Variants in FAF1 observed in about 807,000 individuals in gnomAD.
The protein encoded by FAF1 is Fas associated factor 1.
FAF1 carries 25 observed loss-of-function variants against 92.5 expected under a neutral mutation model. The ratio of observed to expected loss-of-function variants is 0.27; its 90% confidence interval spans 0.20 to 0.38. FAF1 has a LOEUF of 0.38. Ranked by LOEUF, FAF1 falls within the 10% of genes least tolerant of loss-of-function variation. The probability of loss-of-function intolerance (pLI) is 1.00; values close to 1 mark genes in which losing one functional copy is unlikely to be tolerated. For missense variants in FAF1, 636 were observed against 793.3 expected (o/e 0.80, Z 2.38); for synonymous variants, 234 against 273.2 (o/e 0.86, Z 1.42).
intron 8 of FAF1, among the ~76,000 whole-genome samples, chr1:50,648,802 T>G (rs185805648): frequency 9.2e-5 from 14 of 152,294 alleles, no homozygotes; most frequent in African/African-American, 3.4e-4. Context: ...GGCGCATGCC[T>G]GTAATCCCAG....
intron 4 of FAF1, among the ~76,000 whole-genome samples, chr1:50,752,328 T>C (rs964190277): frequency 1.4e-4 from 21 of 152,198 alleles, no homozygotes; most frequent in African/African-American, 5.1e-4. Flanking sequence ...TGTACAGCTA[T>C]TCAAATTTTT....
chr1:50,900,900 C>T (rs1224782084), intron 1 of FAF1, among the ~76,000 whole-genome samples: 2 of 151,842 alleles, frequency 1.3e-5, no homozygotes, highest in African/African-American at 4.8e-5. Flanking sequence ...GAGGTAAAAT[C>T]ACTTCCCCAG....
chr1:50,677,229 T>C (rs1656160548), intron 7 of FAF1, among the ~76,000 whole-genome samples: 1 of 152,176 alleles, frequency 6.6e-6, no homozygotes, highest in African/African-American at 2.4e-5. Flanking sequence ...CTAAAAATAC[T>C]GTCATATCTG....
At chr1:50,527,868 C>CCTCTCTCCCTCTCTCTCTCTCT (rs1647915592) in intron 15 of FAF1, among the ~76,000 whole-genome samples, 1 of 57,198 alleles carries the variant, frequency 1.7e-5, no homozygotes, top group Admixed American at 1.9e-4. Flanking sequence ...TCCCTCTCTC[C>CCTCTCTCCCTCTCTCTCTCTCT]CTCTCTCTCT....
At chr1:50,561,502 T>G (rs574826515) in intron 13 of FAF1, among the ~76,000 whole-genome samples, 1 of 152,328 alleles carries the variant, frequency 6.6e-6, no homozygotes, top group South Asian at 2.1e-4. Context: ...CTATTAGAGA[T>G]GATTTATTAT....
At chr1:50,895,332 G>A (rs954058691) in intron 1 of FAF1, among the ~76,000 whole-genome samples, 2 of 152,058 alleles carry the variant, frequency 1.3e-5, no homozygotes, top group African/African-American at 4.8e-5. Flanking sequence ...TCCAAAATGT[G>A]AATAGACCAG....
chr1:50,784,344 CTT>C (rs1007386349), intron 4 of FAF1, among the ~76,000 whole-genome samples: 17 of 151,978 alleles, frequency 1.1e-4, no homozygotes, highest in African/African-American at 4.1e-4. Flanking sequence ...ATTCATCAAT[CTT>C]TTATAAGATG....
At chr1:50,602,840 T>A (rs979420544) in intron 8 of FAF1, among the ~76,000 whole-genome samples, 2 of 152,134 alleles carry the variant, frequency 1.3e-5, no homozygotes, top group Admixed American at 1.3e-4. Flanking sequence ...CATACACCCA[T>A]GAAACCATTC....
At position 50,554,384 on chromosome 1, in the gene FAF1, T is replaced by TAGAGAGAG. The variant is rs1470102231; in HGVS notation, c.1268+12692_1268+12693insCTCTCTCT. ...AGGTAAATATATATATATATATATA[T>TAGAGAGAG]ATATATAGAGAGAGAGAGAGAGAGA... is the stretch of plus-strand genomic sequence containing the variant. On this transcript the variant is annotated intron_variant, in intron 13 of 18. Transcript: ENST00000396153. Among the ~76,000 whole-genome samples the TAGAGAGAG allele has an allele frequency of 4.0e-3, 395 of 97,880 alleles. 1 individual carries two copies. The highest frequency in any genetic ancestry group is 5.3e-3 in the East Asian group (21 of 3,964). The allele number at this position is 97,880 out of a possible 152,430, so 64.2% of individuals were successfully genotyped here. A position where few individuals can be genotyped will look rare whatever the true frequency, so the allele number is the denominator to read the frequency against.
chr1:50,456,571 C>A (rs574181981), intron 18 of FAF1, among the ~76,000 whole-genome samples: 16 of 152,282 alleles, frequency 1.1e-4, no homozygotes, highest in Non-Finnish European at 1.9e-4. Context: ...AACCAACCAA[C>A]CAAACAAACA....
intron 8 of FAF1, among the ~76,000 whole-genome samples, chr1:50,651,085 G>A (rs1654842707): frequency 6.6e-6 from 1 of 152,152 alleles, no homozygotes; most frequent in African/African-American, 2.4e-5. Context: ...CAAGACTGAA[G>A]TCTATTAGGT....
chr1:50,706,986 G>A (rs1030543351), intron 6 of FAF1, among the ~76,000 whole-genome samples: 1 of 151,914 alleles, frequency 6.6e-6, no homozygotes, highest in Admixed American at 6.6e-5. Flanking sequence ...AGTGGATCAC[G>A]AGGTCAGGAG....
At chr1:50,682,867 G>A (rs1056821462) in intron 7 of FAF1, among the ~76,000 whole-genome samples, 3 of 151,930 alleles carry the variant, frequency 2.0e-5, no homozygotes, top group Non-Finnish European at 2.9e-5. Flanking sequence ...GAAAAGGAGG[G>A]CGGATCATGA....
chr1:50,636,587 C>G (rs984811887), intron 8 of FAF1, among the ~76,000 whole-genome samples: 1 of 152,022 alleles, frequency 6.6e-6, no homozygotes, highest in African/African-American at 2.4e-5. Flanking sequence ...AACTACTGAC[C>G]TCAGGTGATC....
rs1034194948 is a variant in FAF1 at position 50,663,823 on chromosome 1, A to G, written c.658-8295T>C. Among the ~76,000 whole-genome samples the G allele has an allele frequency of 2.0e-5, 3 of 151,464 alleles. 1 individual carries two copies. Among genetic ancestry groups the G allele is most frequent in the African/African-American group, 7.3e-5 (3 of 40,854 alleles). ...CTAAGGTGGCCAGTCACTTTTGAGAATAAATATAATTAATAATCATTTGTT... is the reference window on the plus strand; with the variant it reads ...CTAAGGTGGCCAGTCACTTTTGAGAGTAAATATAATTAATAATCATTTGTT... On this transcript the variant is annotated intron_variant, in intron 7 of 18. Transcript: ENST00000396153.
intron 1 of FAF1, among the ~76,000 whole-genome samples, chr1:50,909,375 G>A (rs1227153409): frequency 2.6e-5 from 4 of 152,192 alleles, no homozygotes; most frequent in African/African-American, 9.7e-5. Flanking sequence ...TTCTCGAGGA[G>A]TATCTTTGTG....
intron 3 of FAF1, among the ~76,000 whole-genome samples, chr1:50,794,702 C>T (rs1051009729): frequency 2.0e-5 from 3 of 152,154 alleles, no homozygotes; most frequent in Non-Finnish European, 4.4e-5. Context: ...TGCCTCACTG[C>T]AACCTCTGCC....
chr1:50,490,490 GA>G lies in FAF1; in HGVS notation c.1653+97del, dbSNP rs375816493. 1.5e-3 allele frequency: 891 copies of G among 608,048 alleles called. 54 individuals carry two copies. The African/African-American group carries it at 0.018, about 12-fold the overall frequency. The allele number at this position is 608,048 out of a possible 1,614,324, so 37.7% of individuals were successfully genotyped here. On this transcript the variant is annotated intron_variant, in intron 17 of 18. Transcript: ENST00000396153. ...AGAAAGAAGGAAGGAAGGAAGGAAG[GA>G]AAGGAAGGAAGGAAGGAAGGAAGGA...
rs1342547699 is a variant in FAF1 at position 50,758,255 on chromosome 1, T to G, written c.368-13480A>C. On this transcript the variant is annotated intron_variant, in intron 4 of 18. Coordinates refer to ENST00000396153, the MANE Select transcript of FAF1 (RefSeq NM_007051.3). Reference sequence around the variant, plus strand: ...TTTTAGTAGAGACAGGGTTTCACCATGTTGGCAAGGATGGTCTCAAACTCC... The same window carrying G: ...TTTTAGTAGAGACAGGGTTTCACCAGGTTGGCAAGGATGGTCTCAAACTCC... 2.8e-4 allele frequency among the ~76,000 whole-genome samples: 43 copies of G among 152,176 alleles called. 1 individual carries two copies. The highest frequency in any genetic ancestry group is 2.8e-3 in the Admixed American group (43 of 15,284).
Sources: allele counts gnomAD v4.1 joint callset (sites outside exome capture counted in the v4.1 genomes callset), GRCh38; gene constraint gnomAD v4.1.1; transcripts MANE v1.5; gene names NCBI Gene and HGNC (gene_info 2026-07-23, HGNC 2026-07-21).